Variants in SUPT3H observed in about 807,000 individuals in gnomAD.
SUPT3H encodes transcription initiation protein SPT3 homolog.
SUPT3H carries 44 observed loss-of-function variants against 44.3 expected under a neutral mutation model. The observed-to-expected ratio is 0.99, with a 90% CI of 0.78 to 1.28. SUPT3H has a LOEUF of 1.28. SUPT3H is among the 50% of genes most tolerant of loss of function. The pLI is 0.00. For synonymous variants in SUPT3H, 124 were observed against 125.6 expected, an observed-to-expected ratio of 0.99 and a Z score of 0.09; for missense variants, 380 against 387.1, an observed-to-expected ratio of 0.98 and a Z score of 0.15.
At chr6:45,040,114 C>CT (rs1409413554) in intron 3 of SUPT3H, among the ~76,000 whole-genome samples, 1 of 152,146 alleles carries the variant, frequency 6.6e-6, no homozygotes, top group East Asian at 1.9e-4. Flanking sequence ...ATATCATCAG[C>CT]TTTTTAGGCC....
At chr6:44,832,755 G>C (rs1769069752) in intron 10 of SUPT3H, among the ~76,000 whole-genome samples, 1 of 151,860 alleles carries the variant, frequency 6.6e-6, no homozygotes, top group South Asian at 2.1e-4. Context: ...GCCAAATTAC[G>C]ACCTGTGCCA....
intron 2 of SUPT3H, among the ~76,000 whole-genome samples, chr6:45,323,396 G>A (rs1785837686): frequency 6.6e-6 from 1 of 151,824 alleles, no homozygotes; most frequent in Admixed American, 6.6e-5. Flanking sequence ...GCCTTAACAT[G>A]TTTTTCAACC....
chr6:45,257,248 A>G (rs752988172), intron 2 of SUPT3H, among the ~76,000 whole-genome samples: 8 of 152,198 alleles, frequency 5.3e-5, no homozygotes, highest in Non-Finnish European at 7.4e-5. Flanking sequence ...CATTTTTACC[A>G]TAAGAAAAAC....
At chr6:44,819,140 A>T (rs1051305375) in intron 11 of SUPT3H, among the ~76,000 whole-genome samples, 1 of 152,244 alleles carries the variant, frequency 6.6e-6, no homozygotes, top group African/African-American at 2.4e-5. Flanking sequence ...ACTCAGCAAT[A>T]ACATATAATG....
chr6:45,170,827 TTCTC>T (rs200313822), intron 2 of SUPT3H, among the ~76,000 whole-genome samples: 1 of 152,180 alleles, frequency 6.6e-6, no homozygotes, highest in Non-Finnish European at 1.5e-5. Context: ...CTAGCATAAT[TTCTC>T]TCTGTTTTCT....
At chr6:44,998,370 C>G (rs1781544825) in intron 6 of SUPT3H, among the ~76,000 whole-genome samples, 1 of 151,910 alleles carries the variant, frequency 6.6e-6, no homozygotes. Context: ...TAGAAAAACA[C>G]TCATTCATCA....
intron 2 of SUPT3H, among the ~76,000 whole-genome samples, chr6:45,166,018 C>T (rs1013017784): frequency 6.6e-6 from 1 of 152,192 alleles, no homozygotes; most frequent in African/African-American, 2.4e-5. Context: ...GTAGGCCAGG[C>T]ACAGTGGCTC....
intron 2 of SUPT3H, among the ~76,000 whole-genome samples, chr6:45,318,978 T>C (rs1013263155): frequency 4.6e-5 from 7 of 152,168 alleles, no homozygotes; most frequent in African/African-American, 1.7e-4. Flanking sequence ...AAATATTAAA[T>C]ATTTCCCAGT....
intron 2 of SUPT3H, among the ~76,000 whole-genome samples, chr6:45,178,775 T>C (rs191504089): frequency 9.2e-5 from 14 of 152,036 alleles, no homozygotes; most frequent in Admixed American, 7.2e-4. Context: ...TCAAAAGCGC[T>C]CAAGTACATG....
At chr6:44,819,766 AC>A (rs912695253) in intron 11 of SUPT3H, among the ~76,000 whole-genome samples, 10 of 151,802 alleles carry the variant, frequency 6.6e-5, no homozygotes, top group Admixed American at 5.9e-4. Context: ...ACAGAGTAAG[AC>A]CCTGTATCAA....
intron 2 of SUPT3H, among the ~76,000 whole-genome samples, chr6:45,271,775 G>C (rs552295660): frequency 3.3e-5 from 5 of 152,128 alleles, no homozygotes; most frequent in Non-Finnish European, 7.4e-5. Flanking sequence ...TTGTCCATCT[G>C]GAAAACCTGC....
chr6:44,867,100 A>G (rs990621609), intron 10 of SUPT3H, among the ~76,000 whole-genome samples: 1 of 152,202 alleles, frequency 6.6e-6, no homozygotes, highest in East Asian at 1.9e-4. Flanking sequence ...TTGGGCCACG[A>G]ATAATTAAAT....
intron 6 of SUPT3H, among the ~76,000 whole-genome samples, chr6:44,996,871 C>A (rs1781345544): frequency 6.6e-6 from 1 of 151,662 alleles, no homozygotes; most frequent in South Asian, 2.1e-4. Context: ...ATTATGTTTT[C>A]TTTTTCAGTA....
chr6:45,368,176 T>C (rs1199662997), intron 1 of SUPT3H, among the ~76,000 whole-genome samples: 2 of 152,162 alleles, frequency 1.3e-5, no homozygotes, highest in East Asian at 1.9e-4. Context: ...TGAAAATGCA[T>C]CTGTTTGCCA....
At chr6:45,357,799 A>G (rs1793509396) in intron 2 of SUPT3H, among the ~76,000 whole-genome samples, 1 of 152,202 alleles carries the variant, frequency 6.6e-6, no homozygotes, top group South Asian at 2.1e-4. Context: ...TAAAACTCAC[A>G]ATGACATTAC....
At chr6:45,190,353 G>T (rs1814924555) in intron 2 of SUPT3H, among the ~76,000 whole-genome samples, 1 of 152,024 alleles carries the variant, frequency 6.6e-6, no homozygotes, top group African/African-American at 2.4e-5. Context: ...TTGGCCCAAA[G>T]AAATCAGTGG....
At chr6:45,217,480 T>A (rs6458429) in intron 2 of SUPT3H, among the ~76,000 whole-genome samples, 128,205 of 150,608 alleles carry the variant, frequency 0.85, 54,802 homozygotes, top group African/African-American at 0.89. Context: ...GCCTCAAAAA[T>A]AAAATAAAAT....
chr6:45,120,437 A>AC (rs1448655400), intron 2 of SUPT3H, among the ~76,000 whole-genome samples: 2 of 148,788 alleles, frequency 1.3e-5, no homozygotes, highest in Admixed American at 1.3e-4. Context: ...AAAAAAAAAA[A>AC]AAAAGACTAT....
intron 9 of SUPT3H, among the ~76,000 whole-genome samples, chr6:44,943,180 G>A (rs1339169740): frequency 1.3e-5 from 2 of 148,796 alleles, no homozygotes; most frequent in Non-Finnish European, 3.0e-5. Context: ...ATAGATAAAT[G>A]GAAACTATAA....
Sources: allele counts gnomAD v4.1 joint callset (sites outside exome capture counted in the v4.1 genomes callset), GRCh38; gene constraint gnomAD v4.1.1; transcripts MANE v1.5; gene names NCBI Gene and HGNC (gene_info 2026-07-23, HGNC 2026-07-21).